The following INPP4B variants were observed in gnomAD, a reference collection of about 807,000 sequenced individuals.
INPP4B encodes the protein inositol polyphosphate 4-phosphatase type II.
Under a neutral mutation model 122.5 loss-of-function variants are expected in INPP4B, and 55 were observed. The ratio of observed to expected loss-of-function variants is 0.45; its 90% CI spans 0.36 to 0.56. The LOEUF (loss-of-function observed/expected upper bound fraction) is 0.56, where lower values mean the gene tolerates loss of function less well. Ranked by LOEUF, INPP4B falls within the 20% of genes least tolerant of loss-of-function variation. The pLI is 0.00. For missense variants in INPP4B, 1,000 were observed against 1,097.7 expected, an observed-to-expected ratio of 0.91 and a Z score of 1.26; for synonymous variants, 403 against 388.7, an observed-to-expected ratio of 1.04 and a Z score of -0.43.
chr4:142,398,426 ATATATATATATATATAT>A (rs1458039186), intron 7 of INPP4B, among the ~76,000 whole-genome samples: 44 of 113,498 alleles, frequency 3.9e-4, no homozygotes, highest in East Asian at 3.7e-3. Flanking sequence ...ATATATATAT[ATATATATATATATATAT>A]ATAAAACATA....
intron 11 of INPP4B, among the ~76,000 whole-genome samples, chr4:142,254,077 A>AC (rs1226616759): frequency 6.6e-6 from 1 of 151,722 alleles, no homozygotes; most frequent in African/African-American, 2.4e-5. Flanking sequence ...ACTGGGAGGC[A>AC]CCCCCCAGCA....
At chr4:142,841,285 T>C (rs1783456405) in intron 1 of INPP4B, among the ~76,000 whole-genome samples, 1 of 152,018 alleles carries the variant, frequency 6.6e-6, no homozygotes, top group Non-Finnish European at 1.5e-5. Context: ...CCACTGGTTT[T>C]AGTCCTACTT....
intron 15 of INPP4B, among the ~76,000 whole-genome samples, chr4:142,179,562 G>GAAAAATGATGTTAATAGGA (rs1553998359): frequency 0.027 from 810 of 30,096 alleles, 12 homozygotes; most frequent in African/African-American, 0.047. Flanking sequence ...TTAGCTCTGT[G>GAAAAATGATGTTAATAGGA]AAAAAAAAAA....
intron 7 of INPP4B, among the ~76,000 whole-genome samples, chr4:142,401,656 T>C (rs372608078): frequency 1.3e-5 from 2 of 152,186 alleles, no homozygotes; most frequent in East Asian, 1.9e-4. Flanking sequence ...AGTAACACTT[T>C]ACGTATATTA....
At chr4:142,226,420 T>C (rs1018655417) in intron 12 of INPP4B, among the ~76,000 whole-genome samples, 14 of 152,312 alleles carry the variant, frequency 9.2e-5, no homozygotes, top group South Asian at 2.1e-4. Flanking sequence ...GTTAGTCCCT[T>C]ACATATCATG....
intron 1 of INPP4B, among the ~76,000 whole-genome samples, chr4:142,807,108 G>C (rs868135121): frequency 6.6e-6 from 1 of 152,182 alleles, no homozygotes; most frequent in Non-Finnish European, 1.5e-5. Context: ...CACAAGCACC[G>C]TTAATTCAAC....
intron 9 of INPP4B, among the ~76,000 whole-genome samples, chr4:142,299,684 G>A (rs918771389): frequency 4.6e-5 from 7 of 151,944 alleles, no homozygotes; most frequent in African/African-American, 1.7e-4. Flanking sequence ...TCCAAAGAGT[G>A]GTTATTGGCT....
chr4:142,597,685 G>C (rs958973790), intron 2 of INPP4B, among the ~76,000 whole-genome samples: 3 of 152,118 alleles, frequency 2.0e-5, no homozygotes, highest in Admixed American at 1.3e-4. Context: ...AGTCATTTAA[G>C]AATCTGTGGT....
chr4:142,372,326 T>C (rs994917504), intron 7 of INPP4B, among the ~76,000 whole-genome samples: 13 of 152,010 alleles, frequency 8.6e-5, no homozygotes, highest in Non-Finnish European at 1.3e-4. Context: ...TAGAAGGAAT[T>C]AGTTATAGTG....
chr4:142,752,558 T>G (rs950166126), intron 1 of INPP4B, among the ~76,000 whole-genome samples: 3 of 152,116 alleles, frequency 2.0e-5, no homozygotes, highest in South Asian at 4.1e-4. Context: ...TCAGCTTTAC[T>G]GTTTGATTTT....
chr4:142,059,615 C>A (rs1250828909), intron 25 of INPP4B, among the ~76,000 whole-genome samples: 2 of 152,060 alleles, frequency 1.3e-5, no homozygotes, highest in African/African-American at 2.4e-5. Flanking sequence ...ACCTTATACT[C>A]CTTATGGTAT....
intron 2 of INPP4B, among the ~76,000 whole-genome samples, chr4:142,589,164 A>G (rs1736888137): frequency 6.6e-6 from 1 of 152,044 alleles, no homozygotes; most frequent in Non-Finnish European, 1.5e-5. Context: ...ACCAAGCACA[A>G]GGCTTCCATA....
chr4:142,620,014 G>A (rs1004462234), intron 2 of INPP4B, among the ~76,000 whole-genome samples: 2 of 151,852 alleles, frequency 1.3e-5, no homozygotes, highest in Non-Finnish European at 1.5e-5. Context: ...TGGGTTTTAC[G>A]AGTCAAAAAA....
intron 18 of INPP4B, among the ~76,000 whole-genome samples, chr4:142,127,351 T>C (rs1232856458): frequency 6.6e-6 from 1 of 152,182 alleles, no homozygotes; most frequent in Non-Finnish European, 1.5e-5. Context: ...CTAAAAAGTA[T>C]TTAAAGGAGA....
intron 9 of INPP4B, among the ~76,000 whole-genome samples, chr4:142,274,775 T>C (rs1747576830): frequency 6.6e-6 from 1 of 151,722 alleles, no homozygotes. Context: ...CTCAATCTAC[T>C]TAAGGAAAAA....
At chr4:142,256,102 C>G (rs1735844868) in intron 11 of INPP4B, among the ~76,000 whole-genome samples, 1 of 149,106 alleles carries the variant, frequency 6.7e-6, no homozygotes, top group African/African-American at 2.4e-5. Flanking sequence ...TCCTGAATGA[C>G]TACTGGGTAC....
chr4:142,835,370 G>A (rs1243186974), intron 1 of INPP4B, among the ~76,000 whole-genome samples: 3 of 152,116 alleles, frequency 2.0e-5, no homozygotes, highest in Admixed American at 1.3e-4. Context: ...TCTCTCCTGC[G>A]TGATTTTAAT....
At position 142,108,311 on chromosome 4, in the gene INPP4B, T is replaced by C; in HGVS notation, c.2277-121A>G. On this transcript the variant is annotated intron_variant, in intron 22 of 25. Transcript: ENST00000262992. ...TTCCTAAGGAAAGAGTCTGTCTCATTTTTCAAGCTACAATTCACAATGGTG... is the reference window on the plus strand; with the variant it reads ...TTCCTAAGGAAAGAGTCTGTCTCATCTTTCAAGCTACAATTCACAATGGTG... 4 of 660,472 alleles carry C rather than the reference T, an allele frequency of 6.1e-6. No individual in the cohort carries two copies. In the South Asian group the frequency reaches 6.8e-5, roughly 11 times the overall value. The allele number at this position is 660,472 out of a possible 1,614,324, so 40.9% of individuals were successfully genotyped here. A position where few individuals can be genotyped will look rare whatever the true frequency, so the allele number is the denominator to read the frequency against.
intron 1 of INPP4B, among the ~76,000 whole-genome samples, chr4:142,795,895 A>G (rs542629251): frequency 6.6e-6 from 1 of 152,078 alleles, no homozygotes; most frequent in South Asian, 2.1e-4. Flanking sequence ...CTTTTTCTAA[A>G]ACTTCCATAG....
Sources: gnomAD v4.1 joint callset for allele counts (sites outside exome capture counted in the v4.1 genomes callset) on GRCh38, gnomAD v4.1.1 for gene constraint, MANE v1.5 for transcripts, NCBI Gene and HGNC (gene_info 2026-07-23, HGNC 2026-07-21) for gene names.